CCDC78: variants seen among roughly 807,000 people sequenced by gnomAD.
The protein encoded by CCDC78 is coiled-coil domain-containing protein 78.
In CCDC78, 78 loss-of-function variants were observed where a neutral mutation model predicts 61.9. The observed-to-expected ratio is 1.26, with a 90% CI of 1.05 to 1.52. The LOEUF (loss-of-function observed/expected upper bound fraction) is 1.52. Among genes scored for constraint, CCDC78 ranks in the 40% most tolerant of loss-of-function variants. CCDC78 has a pLI of 0.00. For synonymous variants in CCDC78, 287 were observed against 251.9 expected (o/e 1.14, Z -1.32); for missense variants, 737 against 615.5 (o/e 1.20, Z -2.09).
chr16:724,990 C>T lies in CCDC78; in HGVS notation c.561-1G>A. Reference sequence around the variant, plus strand: ...CTGCAGCTGCCGGCCCAGGGTTGCCCTGAAGACACGGGGGTGAGGCTCAGC... The same window carrying T: ...CTGCAGCTGCCGGCCCAGGGTTGCCTTGAAGACACGGGGGTGAGGCTCAGC... On this transcript the variant is annotated splice_acceptor_variant, in intron 6 of 13. Transcript: ENST00000345165. LOFTEE classifies it high-confidence loss of function. 6.2e-7 allele frequency: 1 copy of T among 1,612,204 alleles called. No homozygotes were observed.
chr16:725,528 G>T lies in CCDC78; in HGVS notation c.320C>A (p.Thr107Asn). Residue 107 changes from threonine to asparagine, a missense_variant, in exon 4 of 14, where the codon ACC (threonine) becomes AAC (asparagine). Coordinates refer to ENST00000345165, the MANE Select transcript of CCDC78 (RefSeq NM_001378030.1). Reference sequence around the variant, plus strand: ...CACTGGGACTGCACAGCCCTGGCTGGTGCCATCTCCTCGCAGCTCCAGCTC... The same window carrying T: ...CACTGGGACTGCACAGCCCTGGCTGTTGCCATCTCCTCGCAGCTCCAGCTC... ...VLELELRGDG[T>N]SQGCAVPVES... 5.0e-6 allele frequency: 8 copies of T among 1,612,214 alleles called. No homozygotes were observed. The highest frequency in any genetic ancestry group is 6.8e-6 in the Non-Finnish European group (8 of 1,179,856).
intron 5 of CCDC78, 30 bp from the exon 6 acceptor site, chr16:725,175 G>A (rs2040747268): frequency 6.2e-7 from 1 of 1,612,342 alleles, no homozygotes; most frequent in Admixed American, 1.7e-5. Context: ...GGCTGGATGA[G>A]ACCCTAGGCT....
At chr16:726,113 A>G in intron 1 of CCDC78, 28 bp from the exon 2 acceptor site, 1 of 1,549,402 alleles carries the variant, frequency 6.5e-7, no homozygotes, top group Non-Finnish European at 8.7e-7. Flanking sequence ...CCCATTCCCC[A>G]GGTGGGTCCC....
chr16:723,284 G>A (rs201533449), intron 11 of CCDC78, 123 bp from the exon 12 acceptor site: 260 of 1,099,022 alleles, frequency 2.4e-4, no homozygotes, highest in Non-Finnish European at 3.3e-4. Flanking sequence ...GAGTGAGGGA[G>A]GCATGGGCCC....
intron 3 of CCDC78, 79 bp from the exon 4 acceptor site, chr16:725,659 CA>C: frequency 1.3e-6 from 2 of 1,577,094 alleles, no homozygotes; most frequent in South Asian, 2.3e-5. Context: ...GGTGCACGCT[CA>C]GGGGCGCGCA....
chr16:726,076 G>T lies in CCDC78; in HGVS notation c.70C>A (p.Arg24=). The change falls in exon 2 of 14, where the codon CGA becomes AGA. Residue 24 remains arginine (R), a synonymous_variant. Coordinates refer to ENST00000345165, the MANE Select transcript of CCDC78 (RefSeq NM_001378030.1). ...PSRRVENVVL[R]AKDWLPGAPG... Reference sequence around the variant, plus strand: ...GCTCCTGGCAGCCAGTCCTTGGCTCGTAGCACAACCTGGGGAGGTACCGCC... The same window carrying T: ...GCTCCTGGCAGCCAGTCCTTGGCTCTTAGCACAACCTGGGGAGGTACCGCC... 6.5e-7 allele frequency: 1 copy of T among 1,548,592 alleles called. No individual in the cohort carries two copies. The highest frequency in any genetic ancestry group is 8.7e-7 in the Non-Finnish European group (1 of 1,146,628).
Position 726,331 on chromosome 16 carries a change from GTCCA to G in CCDC78, c.33_36del (p.Gly12LeufsTer39). On this transcript the variant is annotated frameshift_variant, in exon 1 of 14. Transcript: ENST00000345165. LOFTEE classifies it high-confidence loss of function. Reference sequence around the variant, plus strand: ...ACATTCTCCACCCGCCGAGAGGGAGGTCCAGGCCTGGGGCCTGTGGTGGCTGCGT... The same window carrying G: ...ACATTCTCCACCCGCCGAGAGGGAGGGGCCTGGGGCCTGTGGTGGCTGCGT... 4.5e-6 allele frequency: 7 copies of G among 1,547,586 alleles called. No individual in the cohort carries two copies. Among genetic ancestry groups the G allele is most frequent in the Non-Finnish European group, 5.2e-6 (6 of 1,146,574 alleles).
In CCDC78 at chr16:725,114, T is replaced by C. The variant is rs2151562236; in HGVS notation, c.524A>G (p.His175Arg). 1.2e-6 allele frequency: 2 copies of C among 1,612,790 alleles called. No homozygotes were observed. Among genetic ancestry groups the C allele is most frequent in the Non-Finnish European group, 1.7e-6 (2 of 1,179,974 alleles). ...LQGEVKWALE[H>R]QEARQQALVT... Reference sequence around the variant, plus strand: ...CAGTGCCTGCTGCCGGGCCTCCTGATGCTCCAGCGCCCACTTCACTTCCCC... The same window carrying C: ...CAGTGCCTGCTGCCGGGCCTCCTGACGCTCCAGCGCCCACTTCACTTCCCC... Residue 175 changes from histidine to arginine, a missense_variant, in exon 6 of 14, where the codon CAT becomes CGT. Physicochemically the swap from His to Arg is conservative, Grantham distance 29. Transcript: ENST00000345165.
chr16:724,898 G>T lies in CCDC78; in HGVS notation c.639+13C>A. ...ACCCTCCAGGTCTCCAAGCAGTCAGGGCAGAGCCTCACCACAGCCTGTGTG... is the reference window on the plus strand; with the variant it reads ...ACCCTCCAGGTCTCCAAGCAGTCAGTGCAGAGCCTCACCACAGCCTGTGTG... On this transcript the variant is annotated intron_variant, in intron 7 of 13. Coordinates refer to ENST00000345165, the MANE Select transcript of CCDC78 (RefSeq NM_001378030.1). The T allele has an allele frequency of 6.3e-7, 1 of 1,597,558 alleles. No homozygotes were observed.
Position 724,747 on chromosome 16 carries a change from C to T in CCDC78, c.699G>A (p.Gln233=). Reference sequence around the variant, plus strand: ...CATCCTTCAGTTTCTTGAGCTGCAGCTGCAGCCGGGCATTTTCAGCCTCTG... The same window carrying T: ...CATCCTTCAGTTTCTTGAGCTGCAGTTGCAGCCGGGCATTTTCAGCCTCTG... ...RQAEAENARL[Q]LQLKKLKDEY... The change falls in exon 8 of 14, where the codon CAG becomes CAA. Residue 233 remains glutamine, a synonymous_variant. Transcript: ENST00000345165. The T allele has an allele frequency of 1.2e-6, 2 of 1,612,224 alleles. No individual in the cohort carries two copies. The highest frequency in any genetic ancestry group is 1.7e-6 in the Non-Finnish European group (2 of 1,179,788).
At position 723,917 on chromosome 16, in the gene CCDC78, A is replaced by G. The variant is rs1374616065; in HGVS notation, c.1073T>C (p.Leu358Pro). 6.2e-7 allele frequency: 1 copy of G among 1,601,384 alleles called. No homozygotes were observed. Among genetic ancestry groups the G allele is most frequent in the South Asian group, 1.1e-5 (1 of 89,352 alleles). ...GGGTCTCTTTTTTGGGGATGAGAGCAGTGCCCCAGGCCCGCCGTGCTACAG... is the reference window on the plus strand; with the variant it reads ...GGGTCTCTTTTTTGGGGATGAGAGCGGTGCCCCAGGCCCGCCGTGCTACAG... ...REDQHGGPGA[L>P]LSSPKKRPGG... Residue 358 changes from leucine (L) to proline (P), a missense_variant, in exon 11 of 14, where the codon CTG becomes CCG. Transcript: ENST00000345165.
chr16:725,627 T>G (rs1489145108), intron 3 of CCDC78, 47 bp from the exon 4 acceptor site: 8 of 1,590,596 alleles, frequency 5.0e-6, no homozygotes, highest in Non-Finnish European at 6.8e-6. Flanking sequence ...GCGGGCCACC[T>G]GGGGTAGGTG....
chr16:723,117 CGGAGCTTCTGGT>C lies in CCDC78; in HGVS notation c.1166_1177del (p.His389_Leu392del). Reference sequence around the variant, plus strand: ...TACCTGGGTGCTGCGGGAGAAGTCCCGGAGCTTCTGGTGGATCTGGGCCCAGGATGCAGCGTC... The same window carrying C: ...TACCTGGGTGCTGCGGGAGAAGTCCCGGATCTGGGCCCAGGATGCAGCGTC... On this transcript the variant is annotated inframe_deletion, in exon 12 of 14. Transcript: ENST00000345165. The C allele has an allele frequency of 1.9e-6, 3 of 1,612,708 alleles. No individual in the cohort carries two copies. Among genetic ancestry groups the C allele is most frequent in the Non-Finnish European group, 2.5e-6 (3 of 1,180,004 alleles).
At chr16:725,328 T>C in intron 4 of CCDC78, 35 bp from the exon 5 acceptor site, 1 of 1,610,570 alleles carries the variant, frequency 6.2e-7, no homozygotes, top group South Asian at 1.1e-5. Context: ...AGCTAAGGGG[T>C]GGGTGAGCCC....
chr16:726,109 C>T (rs1567327935), intron 1 of CCDC78, 24 bp from the exon 2 acceptor site: 8 of 1,549,418 alleles, frequency 5.2e-6, no homozygotes, highest in Non-Finnish European at 6.1e-6. Context: ...GCCACCCATT[C>T]CCCAGGTGGG....
At position 725,420 on chromosome 16, in the gene CCDC78, C is replaced by T; in HGVS notation, c.428G>A (p.Arg143Lys). The T allele has an allele frequency of 6.2e-7, 1 of 1,612,634 alleles. No homozygotes were observed. Among genetic ancestry groups the T allele is most frequent in the Non-Finnish European group, 8.5e-7 (1 of 1,179,918 alleles). The change falls in exon 4 of 14, where the codon AGA becomes AAA. Residue 143 changes from arginine to lysine, a missense_variant. Physicochemically the swap from Arg to Lys is conservative, Grantham distance 26. Coordinates refer to ENST00000345165, the MANE Select transcript of CCDC78 (RefSeq NM_001378030.1). ...AQVPGHSDDH[R>K]FQVQPKNTMN... ...CCATATGCTCATGGTAACCTGGAAT[C>T]TGTGGTCATCAGAGTGTCCAGGCAC...
Position 725,470 on chromosome 16 carries a change from G to T in CCDC78, c.378C>A (p.Ala126=). The change falls in exon 4 of 14, where the codon GCC becomes GCA. Residue 126 remains alanine (A), a synonymous_variant. Coordinates refer to ENST00000345165, the MANE Select transcript of CCDC78 (RefSeq NM_001378030.1). ...CCTGGGCTTTGTGTCTGAGCTCTTGGGCTGCTGCCCGGGGATGCCTGGGGT... is the reference window on the plus strand; with the variant it reads ...CCTGGGCTTTGTGTCTGAGCTCTTGTGCTGCTGCCCGGGGATGCCTGGGGT... ...ESDPRHPRAA[A]QELRHKAQVP... is the part of the protein sequence containing the mutation. 6.2e-7 allele frequency: 1 copy of T among 1,612,762 alleles called. No homozygotes were observed. Among genetic ancestry groups the T allele is most frequent in the Non-Finnish European group, 8.5e-7 (1 of 1,179,978 alleles).
Position 725,465 on chromosome 16 carries a change from T to C in CCDC78, c.383A>G (p.Glu128Gly). ...DPRHPRAAAQ[E>G]LRHKAQVPGH... Reference sequence around the variant, plus strand: ...AGGCACCTGGGCTTTGTGTCTGAGCTCTTGGGCTGCTGCCCGGGGATGCCT... The same window carrying C: ...AGGCACCTGGGCTTTGTGTCTGAGCCCTTGGGCTGCTGCCCGGGGATGCCT... The change falls in exon 4 of 14, where the codon GAG becomes GGG. Residue 128 changes from glutamate (E) to glycine (G), a missense_variant. Glu to Gly is a moderately conservative substitution (Grantham distance 98). Transcript: ENST00000345165. The C allele has an allele frequency of 6.2e-7, 1 of 1,612,800 alleles. No individual in the cohort carries two copies. The highest frequency in any genetic ancestry group is 8.5e-7 in the Non-Finnish European group (1 of 1,179,982).
rs775011018 is a variant in CCDC78, at chr16:725,080, A to C, written c.558T>G (p.Arg186=). 6.2e-7 allele frequency: 1 copy of C among 1,612,584 alleles called. No individual in the cohort carries two copies. The highest frequency in any genetic ancestry group is 1.1e-5 in the South Asian group (1 of 91,082). The change falls in exon 6 of 14, where the codon CGT becomes CGG. Residue 186 remains arginine (R), a splice_region_variant and synonymous_variant. Transcript: ENST00000345165. ...QEARQQALVT[R]VATLGRQLQG... Reference sequence around the variant, plus strand: ...CCCCAGGTGAGATGGCCACTCACACACGCGTCACCAGTGCCTGCTGCCGGG... The same window carrying C: ...CCCCAGGTGAGATGGCCACTCACACCCGCGTCACCAGTGCCTGCTGCCGGG...
Sources: gnomAD v4.1 joint callset for allele counts on GRCh38, gnomAD v4.1.1 for gene constraint, MANE v1.5 for transcripts, NCBI Gene and HGNC (gene_info 2026-07-23, HGNC 2026-07-21) for gene names.